DDX28: variants seen among roughly 807,000 people sequenced by gnomAD.
DDX28 encodes the protein DEAD-box helicase 28.
In DDX28, 25 loss-of-function variants were observed where a neutral mutation model predicts 26.8. The observed-to-expected ratio is 0.93, with a 90% CI of 0.68 to 1.30. The LOEUF (loss-of-function observed/expected upper bound fraction) is 1.30, where lower values mean the gene tolerates loss of function less well. DDX28 is among the 50% of genes most tolerant of loss of function. The pLI, the probability that DDX28 is intolerant of heterozygous loss-of-function variation, is 0.00. For missense variants in DDX28, 790 were observed against 695.1 expected (o/e 1.14, Z -1.53); for synonymous variants, 370 against 311.9 (o/e 1.19, Z -1.96).
rs550065141 is a variant in DDX28, at chr16:68,021,741, C to G, written c.1462G>C (p.Val488Leu). ...LQDYIHRAGR[V>L]GRVGSEVPGT... is the part of the protein sequence containing the mutation. ...GGCACCTCGCTCCCCACACGGCCCA[C>G]TCTCCCTGCTCTGTGGATGTAATCT... Residue 488 changes from valine to leucine, a missense_variant, in exon 1 of 1, where the codon GTG (valine) becomes CTG (leucine). Physicochemically the swap from Val to Leu is conservative, Grantham distance 32. Coordinates refer to ENST00000332395, the MANE Select transcript of DDX28 (RefSeq NM_018380.4). The G allele has an allele frequency of 3.7e-6, 6 of 1,614,210 alleles. No individual in the cohort carries two copies. The South Asian group carries it at 6.6e-5, about 18-fold the overall frequency.
Position 68,023,037 on chromosome 16 carries a change from G to T in DDX28, c.166C>A (p.Leu56Ile), listed in dbSNP as rs747604269. Residue 56 changes from leucine (L) to isoleucine (I), a missense_variant, in exon 1 of 1, where the codon CTC becomes ATC. By Grantham distance (5) the Leu-to-Ile change is conservative. Coordinates refer to ENST00000332395, the MANE Select transcript of DDX28 (RefSeq NM_018380.4). ...LEQRQSRRRN[L>I]PRPVLVRPGP... ...GGTCGAACCAGCACCGGCCTCGGGA[G>T]GTTCCGCCGCCTGCTCTGCCGCTGT... 1.3e-6 allele frequency: 2 copies of T among 1,591,970 alleles called. No homozygotes were observed. Among genetic ancestry groups the T allele is most frequent in the East Asian group, 2.3e-5 (1 of 44,406 alleles).
chr16:68,022,062 G>T lies in DDX28; in HGVS notation c.1141C>A (p.Leu381Met), dbSNP rs1268343150. The T allele has an allele frequency of 1.3e-5, 21 of 1,614,178 alleles. No individual in the cohort carries two copies. The highest frequency in any genetic ancestry group is 1.8e-5 in the Non-Finnish European group (21 of 1,180,038). ...TCACGATGCTTGAGGATGTGCACCA[G>T]CTCGGCCACCTTATCTGCTCCCTTC... ...RLKGADKVAE[L>M]VHILKHRDRA... The change falls in exon 1 of 1, where the codon CTG (leucine) becomes ATG (methionine). Residue 381 changes from leucine to methionine, a missense_variant. Transcript: ENST00000332395.
chr16:68,022,188 G>A lies in DDX28; in HGVS notation c.1015C>T (p.Gln339Ter). 1 of 1,614,184 alleles carries A rather than the reference G, an allele frequency of 6.2e-7. No homozygotes were observed. Among genetic ancestry groups the A allele is most frequent in the Non-Finnish European group, 8.5e-7 (1 of 1,180,028 alleles). ...GGGCTGGCGACTTTATTCAGCAACT[G>A]GCCTACACCTTCGGGAAATGTGGCT... ...VGATFPEGVGQLLNKVASPDA... is the reference protein window; with the variant it reads ...VGATFPEGVG Residue 339 changes from glutamine (Q) to a stop codon, truncating the protein, a stop_gained, in exon 1 of 1, where the codon CAG becomes TAG. Transcript: ENST00000332395. LOFTEE classifies it high-confidence loss of function.
Position 68,022,920 on chromosome 16 carries a change from G to A in DDX28, c.283C>T (p.Gln95Ter), listed in dbSNP as rs759885538. Residue 95 changes from glutamine to a stop codon, truncating the protein, a stop_gained, in exon 1 of 1, where the codon CAA becomes TAA. Transcript: ENST00000332395. LOFTEE classifies it high-confidence loss of function. ...CGCGCGCGTCGACTCTTCCAGCCTT[G>A]AGAGGCTAGCGGCGCGCGCTCCCAA... ...GRWERAPLAS[Q>*]GWKSRRARRD... 1 of 1,555,390 alleles carries A rather than the reference G, an allele frequency of 6.4e-7. No individual in the cohort carries two copies. Among genetic ancestry groups the A allele is most frequent in the South Asian group, 1.2e-5 (1 of 86,838 alleles).
At position 68,020,918 on chromosome 16, in the gene DDX28, T is replaced by C; in HGVS notation, c.*662A>G. Reference sequence around the variant, plus strand: ...ATAAAGAAAATGCTATATGGTTATTTTTCCAGTTTTGTAAAACCGTTTAAT... The same window carrying C: ...ATAAAGAAAATGCTATATGGTTATTCTTCCAGTTTTGTAAAACCGTTTAAT... On this transcript the variant is annotated 3_prime_UTR_variant, in exon 1 of 1. Coordinates refer to ENST00000332395, the MANE Select transcript of DDX28 (RefSeq NM_018380.4). Among the ~76,000 whole-genome samples, 1 of 147,504 alleles carries C rather than the reference T, an allele frequency of 6.8e-6. No homozygotes were observed.
rs1263656403 is a variant in DDX28, at chr16:68,022,038, C to T, written c.1165G>A (p.Asp389Asn). The T allele has an allele frequency of 3.1e-6, 5 of 1,614,080 alleles. No homozygotes were observed. Among genetic ancestry groups the T allele is most frequent in the Admixed American group, 1.7e-5 (1 of 59,998 alleles). ...AELVHILKHR[D>N]RAERTGPSGT... The stretch of plus-strand genomic sequence containing the variant: ...GAGGGACCAGTCCTTTCTGCTCTGT[C>T]ACGATGCTTGAGGATGTGCACCAGC... The change falls in exon 1 of 1, where the codon GAC becomes AAC. Residue 389 changes from aspartate (D) to asparagine (N), a missense_variant. Physicochemically the swap from Asp to Asn is conservative, Grantham distance 23. Coordinates refer to ENST00000332395, the MANE Select transcript of DDX28 (RefSeq NM_018380.4).
rs756071106 is a variant in DDX28 at position 68,023,085 on chromosome 16, C to T, written c.118G>A (p.Val40Met). The change falls in exon 1 of 1, where the codon GTG becomes ATG. Residue 40 changes from valine to methionine, a missense_variant. Physicochemically the swap from Val to Met is conservative, Grantham distance 21 (BLOSUM62 1). Coordinates refer to ENST00000332395, the MANE Select transcript of DDX28 (RefSeq NM_018380.4). Reference sequence around the variant, plus strand: ...TGTTCCAACTGCCGCTGTAGAGCCACTGGGATGCGCACCACCGGCAGGGGT... The same window carrying T: ...TGTTCCAACTGCCGCTGTAGAGCCATTGGGATGCGCACCACCGGCAGGGGT... ...DEPLPVVRIP[V>M]ALQRQLEQRQ... 1.9e-6 allele frequency: 3 copies of T among 1,601,922 alleles called. No homozygotes were observed. Among genetic ancestry groups the T allele is most frequent in the East Asian group, 2.2e-5 (1 of 44,860 alleles).
chr16:68,022,880 G>A lies in DDX28; in HGVS notation c.323C>T (p.Ser108Phe). The change falls in exon 1 of 1, where the codon TCC becomes TTC. Residue 108 changes from serine to phenylalanine, a missense_variant. Ser to Phe is a radical substitution (Grantham distance 155). Coordinates refer to ENST00000332395, the MANE Select transcript of DDX28 (RefSeq NM_018380.4). ...CGCCTCCTGTTGCGCGCGCTCGATG[G>A]AGAAGTGGTCCCGACGCGCGCGTCG... ...KSRRARRDHFSIERAQQEAPA... is the reference protein window; with the variant it reads ...KSRRARRDHFFIERAQQEAPA... 1 of 1,574,060 alleles carries A rather than the reference G, an allele frequency of 6.4e-7. No individual in the cohort carries two copies. The highest frequency in any genetic ancestry group is 8.6e-7 in the Non-Finnish European group (1 of 1,160,632).
rs1446153279 is a variant in DDX28, at chr16:68,021,222, C to T, written c.*358G>A. ...TAAATGAAAACATCAACTGAAAGAG[C>T]CTTTGTCCTAGATGTGGAGGTTTGG... On this transcript the variant is annotated 3_prime_UTR_variant, in exon 1 of 1. Transcript: ENST00000332395. The T allele has an allele frequency of 4.3e-6, 1 of 234,292 alleles. No homozygotes were observed. The highest frequency in any genetic ancestry group is 5.2e-5 in the Admixed American group (1 of 19,216). The allele number at this position is 234,292 out of a possible 1,614,324, so 14.5% of individuals were successfully genotyped here.
At position 68,021,825 on chromosome 16, in the gene DDX28, C is replaced by A; in HGVS notation, c.1378G>T (p.Gly460Cys). 1 of 1,614,148 alleles carries A rather than the reference C, an allele frequency of 6.2e-7. No individual in the cohort carries two copies. Among genetic ancestry groups the A allele is most frequent in the Non-Finnish European group, 8.5e-7 (1 of 1,180,022 alleles). Reference protein sequence around the residue: ...ILLCTDIASRGLDSTGVELVV... With the variant: ...ILLCTDIASRCLDSTGVELVV... ...AGCTCCACACCAGTGCTGTCCAGGCCCCGAGAGGCTATGTCTGTGCAGAGA... is the reference window on the plus strand; with the variant it reads ...AGCTCCACACCAGTGCTGTCCAGGCACCGAGAGGCTATGTCTGTGCAGAGA... The change falls in exon 1 of 1, where the codon GGC (glycine) becomes TGC (cysteine). Residue 460 changes from glycine to cysteine, a missense_variant. Coordinates refer to ENST00000332395, the MANE Select transcript of DDX28 (RefSeq NM_018380.4).
chr16:68,021,830 G>A lies in DDX28; in HGVS notation c.1373C>T (p.Ser458Phe), dbSNP rs887210089. ...RDILLCTDIA[S>F]RGLDSTGVEL... ...CACACCAGTGCTGTCCAGGCCCCGA[G>A]AGGCTATGTCTGTGCAGAGAAGTAT... Residue 458 changes from serine to phenylalanine, a missense_variant, in exon 1 of 1, where the codon TCT (serine) becomes TTT (phenylalanine). Ser to Phe is a radical substitution (Grantham distance 155). Coordinates refer to ENST00000332395, the MANE Select transcript of DDX28 (RefSeq NM_018380.4). 2.5e-6 allele frequency: 4 copies of A among 1,614,098 alleles called. No individual in the cohort carries two copies. Among genetic ancestry groups the A allele is most frequent in the Non-Finnish European group, 3.4e-6 (4 of 1,180,050 alleles).
In DDX28 at chr16:68,023,022, G is replaced by A. The variant is rs928715177; in HGVS notation, c.181C>T (p.Leu61=). The part of the protein sequence containing the change: ...SRRRNLPRPV[L]VRPGPLLVSA... ...ACCAGCAGCGGTCCGGGTCGAACCA[G>A]CACCGGCCTCGGGAGGTTCCGCCGC... Residue 61 remains leucine (L), a synonymous_variant, in exon 1 of 1, where the codon CTG becomes TTG. Coordinates refer to ENST00000332395, the MANE Select transcript of DDX28 (RefSeq NM_018380.4). The A allele has an allele frequency of 6.3e-7, 1 of 1,584,078 alleles. No homozygotes were observed. The highest frequency in any genetic ancestry group is 8.5e-7 in the Non-Finnish European group (1 of 1,173,344).
Position 68,023,093 on chromosome 16 carries a change from C to T in DDX28, c.110G>A (p.Arg37His), listed in dbSNP as rs1462149273. 5 of 1,602,246 alleles carry T rather than the reference C, an allele frequency of 3.1e-6. No individual in the cohort carries two copies. Among genetic ancestry groups the T allele is most frequent in the Non-Finnish European group, 4.2e-6 (5 of 1,179,776 alleles). The change falls in exon 1 of 1, where the codon CGC (arginine) becomes CAC (histidine). Residue 37 changes from arginine (R) to histidine (H), a missense_variant. Coordinates refer to ENST00000332395, the MANE Select transcript of DDX28 (RefSeq NM_018380.4). ...RSPDEPLPVV[R>H]IPVALQRQLE... ...CTGCCGCTGTAGAGCCACTGGGATG[C>T]GCACCACCGGCAGGGGTTCGTCGGG...
In DDX28 at chr16:68,022,946, C is replaced by A. The variant is rs1327661810; in HGVS notation, c.257G>T (p.Arg86Leu). 3 of 1,547,654 alleles carry A rather than the reference C, an allele frequency of 1.9e-6. No individual in the cohort carries two copies. The highest frequency in any genetic ancestry group is 4.8e-5 in the East Asian group (2 of 41,714). ...AGAGGCTAGCGGCGCGCGCTCCCAA[C>A]GGCCCAGTGTGAGGCGCGCCGGCTG... ...LNQPARLTLG[R>L]WERAPLASQG... The change falls in exon 1 of 1, where the codon CGT (arginine) becomes CTT (leucine). Residue 86 changes from arginine (R) to leucine (L), a missense_variant. Coordinates refer to ENST00000332395, the MANE Select transcript of DDX28 (RefSeq NM_018380.4).
rs2033236681 is a variant in DDX28 at position 68,021,454 on chromosome 16, G to C, written c.*126C>G. On this transcript the variant is annotated 3_prime_UTR_variant, in exon 1 of 1. Transcript: ENST00000332395. ...GCGTACCTTTCCAAGTCACAAAGCAGTTCATCCCGCCCTCAAGGAGCCGAC... is the reference window on the plus strand; with the variant it reads ...GCGTACCTTTCCAAGTCACAAAGCACTTCATCCCGCCCTCAAGGAGCCGAC... 9.9e-7 allele frequency: 1 copy of C among 1,012,144 alleles called. No individual in the cohort carries two copies. Among genetic ancestry groups the C allele is most frequent in the East Asian group, 2.6e-5 (1 of 38,806 alleles). 62.7% of individuals were successfully genotyped at this position (1,012,144 alleles called of 1,614,324 possible). A position where few individuals can be genotyped will look rare whatever the true frequency, so the allele number is the denominator to read the frequency against.
Position 68,022,610 on chromosome 16 carries a change from G to A in DDX28, c.593C>T (p.Ser198Phe), listed in dbSNP as rs761555010. 1.2e-6 allele frequency: 2 copies of A among 1,613,574 alleles called. No individual in the cohort carries two copies. The highest frequency in any genetic ancestry group is 1.3e-5 in the African/African-American group (1 of 74,938). The stretch of plus-strand genomic sequence containing the variant: ...GCCTCGGGGCGCGGGGATAGGAAGG[G>A]AGTCCAGGCTTGGCTGGCCCAAGAG... Reference protein sequence around the residue: ...QRLLGQPSLDSLPIPAPRGLV... With the variant: ...QRLLGQPSLDFLPIPAPRGLV... Residue 198 changes from serine (S) to phenylalanine (F), a missense_variant, in exon 1 of 1, where the codon TCC (serine) becomes TTC (phenylalanine). Physicochemically the swap from Ser to Phe is radical, Grantham distance 155 (BLOSUM62 -2). Transcript: ENST00000332395.
rs751477446 is a variant in DDX28 at position 68,021,542 on chromosome 16, C to T, written c.*38G>A. ...CCCACTCAAGATACTGGGAAAGATC[C>T]CTGTTCTAGCATCACATTTTAATCA... On this transcript the variant is annotated 3_prime_UTR_variant, in exon 1 of 1. Transcript: ENST00000332395. The T allele has an allele frequency of 2.5e-6, 4 of 1,582,844 alleles. No individual in the cohort carries two copies. In the South Asian group the frequency reaches 4.7e-5, roughly 19 times the overall value.
rs764836984 is a variant in DDX28 at position 68,022,786 on chromosome 16, G to A, written c.417C>T (p.His139=). 3.7e-6 allele frequency: 6 copies of A among 1,601,402 alleles called. No individual in the cohort carries two copies. In the Admixed American group the frequency reaches 8.6e-5, roughly 23 times the overall value. Residue 139 remains histidine, a synonymous_variant, in exon 1 of 1, where the codon CAC becomes CAT. Coordinates refer to ENST00000332395, the MANE Select transcript of DDX28 (RefSeq NM_018380.4). Reference sequence around the variant, plus strand: ...CTTCAGGCGCAGCCTCCTGTAGTGCGTGCAGCACACGGGGCTCCAGGCCCA... The same window carrying A: ...CTTCAGGCGCAGCCTCCTGTAGTGCATGCAGCACACGGGGCTCCAGGCCCA... ...ADLGLEPRVL[H]ALQEAAPEVV...
At position 68,021,286 on chromosome 16, in the gene DDX28, G is replaced by A. The variant is rs1437366608; in HGVS notation, c.*294C>T. 2.5e-6 allele frequency: 1 copy of A among 395,266 alleles called. No homozygotes were observed. The highest frequency in any genetic ancestry group is 2.0e-5 in the African/African-American group (1 of 49,004). 24.5% of individuals were successfully genotyped at this position (395,266 alleles called of 1,614,324 possible). ...AGAAACTACTGAATTCCGCCCCGGT[G>A]CTAATTATTCTTAGGGGAGGCACAT... On this transcript the variant is annotated 3_prime_UTR_variant, in exon 1 of 1. Coordinates refer to ENST00000332395, the MANE Select transcript of DDX28 (RefSeq NM_018380.4).
Sources: gnomAD v4.1 joint callset for allele counts (sites outside exome capture counted in the v4.1 genomes callset) on GRCh38, gnomAD v4.1.1 for gene constraint, MANE v1.5 for transcripts, NCBI Gene and HGNC (gene_info 2026-07-23, HGNC 2026-07-21) for gene names.